Variants in NHS observed in about 807,000 individuals in gnomAD.
The protein encoded by NHS is actin remodeling regulator NHS.
A neutral mutation model predicts 72.5 loss-of-function variants in NHS; 5 were observed. The observed-to-expected ratio is 0.07, with a 90% CI of 0.04 to 0.14. The LOEUF (loss-of-function observed/expected upper bound fraction) is 0.14. Among genes scored for constraint, NHS ranks in the 10% least tolerant of loss-of-function variants. NHS has a pLI of 1.00. For missense variants in NHS, 1,072 were observed against 1,355.7 expected, an observed-to-expected ratio of 0.79 and a Z score of 3.29; for synonymous variants, 464 against 547.7, an observed-to-expected ratio of 0.85 and a Z score of 2.13.
intron 1 of NHS, among the ~76,000 whole-genome samples, chrX:17,555,676 C>T (rs1174588391): frequency 8.9e-6 from 1 of 112,117 alleles, no homozygotes. Context: ...TTAATTTCCA[C>T]TCTTCCAATC....
intron 1 of NHS, among the ~76,000 whole-genome samples, chrX:17,562,060 A>G (rs1213293177): frequency 1.8e-5 from 2 of 111,094 alleles, no homozygotes; most frequent in Non-Finnish European, 3.8e-5. Context: ...GAAAAACCCT[A>G]TGCTACTGTT....
intron 1 of NHS, among the ~76,000 whole-genome samples, chrX:17,553,477 C>A (rs2065347674): frequency 8.9e-6 from 1 of 112,836 alleles, no homozygotes; most frequent in Admixed American, 9.3e-5. Context: ...CTTCATGTTG[C>A]TTTCTTCCTT....
chrX:17,578,756 A>G (rs1410623492), intron 1 of NHS, among the ~76,000 whole-genome samples: 3 of 112,456 alleles, frequency 2.7e-5, no homozygotes, highest in Non-Finnish European at 5.6e-5. Flanking sequence ...ATATTTCATG[A>G]GCAGATTGTA....
At chrX:17,485,646 G>A (rs936025006) in intron 1 of NHS, among the ~76,000 whole-genome samples, 2 of 111,044 alleles carry the variant, frequency 1.8e-5, no homozygotes, top group African/African-American at 6.6e-5. Flanking sequence ...GGTGGTGGGG[G>A]TGGGGTTCCG....
intron 3 of NHS, among the ~76,000 whole-genome samples, chrX:17,696,970 T>C (rs1159335319): frequency 9.0e-6 from 1 of 111,476 alleles, no homozygotes; most frequent in Non-Finnish European, 1.9e-5. Context: ...AGAAATGAAC[T>C]AGCAGTGGGT....
At chrX:17,541,201 TGAG>T (rs376860684) in intron 1 of NHS, among the ~76,000 whole-genome samples, 12 of 112,616 alleles carry the variant, frequency 1.1e-4, no homozygotes, top group African/African-American at 3.9e-4. Context: ...ATTTCACAGA[TGAG>T]GAAACCAAGG....
intron 1 of NHS, among the ~76,000 whole-genome samples, chrX:17,611,731 G>T (rs753930913): frequency 6.3e-5 from 7 of 111,025 alleles, no homozygotes; most frequent in Admixed American, 9.6e-5. Flanking sequence ...ACTCAGAGAA[G>T]AGATGAGGGA....
At chrX:17,682,176 G>A (rs946371717) in intron 1 of NHS, among the ~76,000 whole-genome samples, 1 of 111,182 alleles carries the variant, frequency 9.0e-6, no homozygotes, top group Non-Finnish European at 1.9e-5. Flanking sequence ...GGGTTCACTT[G>A]GTGAAATCCC....
chrX:17,657,240 C>G (rs1035136123), intron 1 of NHS, among the ~76,000 whole-genome samples: 1 of 112,826 alleles, frequency 8.9e-6, no homozygotes, highest in African/African-American at 3.2e-5. Flanking sequence ...TTCCTCACCC[C>G]CCTGCGGGGA....
At chrX:17,481,146 G>A (rs1404736981) in intron 1 of NHS, among the ~76,000 whole-genome samples, 1 of 111,906 alleles carries the variant, frequency 8.9e-6, no homozygotes, top group Non-Finnish European at 1.9e-5. Context: ...CCGTCTTACT[G>A]CAGTGCAAAC....
At chrX:17,477,379 G>A (rs949880927) in intron 1 of NHS, among the ~76,000 whole-genome samples, 1 of 111,916 alleles carries the variant, frequency 8.9e-6, no homozygotes, top group Non-Finnish European at 1.9e-5. Flanking sequence ...GAATAGCAAG[G>A]AGCCCGGTGT....
chrX:17,389,722 C>T (rs1349390560), intron 1 of NHS, among the ~76,000 whole-genome samples: 1 of 110,124 alleles, frequency 9.1e-6, no homozygotes, highest in Non-Finnish European at 1.9e-5. Flanking sequence ...CTGTGTCAGC[C>T]TCCCAAGTAG....
chrX:17,647,670 T>G (rs2065912249), intron 1 of NHS, among the ~76,000 whole-genome samples: 1 of 112,562 alleles, frequency 8.9e-6, no homozygotes, highest in Admixed American at 9.4e-5. Flanking sequence ...ACTTTTTAAT[T>G]TCAGTGATGG....
At chrX:17,687,323 C>T (rs866896158) in intron 1 of NHS, 38 of 218,763 alleles carry the variant, frequency 1.7e-4, no homozygotes, top group Middle Eastern at 1.6e-3. Context: ...TGAGGCCCTG[C>T]GGCCAGAAGG....
chrX:17,583,758 T>C (rs2065557731), intron 1 of NHS, among the ~76,000 whole-genome samples: 1 of 112,608 alleles, frequency 8.9e-6, no homozygotes, highest in African/African-American at 3.2e-5. Flanking sequence ...TTTCCCTGTA[T>C]ACTTTCCTTT....
intron 1 of NHS, among the ~76,000 whole-genome samples, chrX:17,610,290 G>C (rs2065703586): frequency 8.9e-6 from 1 of 111,942 alleles, no homozygotes; most frequent in African/African-American, 3.2e-5. Flanking sequence ...CAAGGAAAAA[G>C]AACTAATATC....
rs184142684 is a variant in NHS, at chrX:17,539,428, G to C, written c.566-148314G>C. On this transcript the variant is annotated intron_variant, in intron 1 of 8. Transcript: ENST00000676302. ...TCTGCTTGGCCTTTCTTGAATATAA[G>C]CTTCATGGGGTCAGAGACCTGTGTC... is the stretch of plus-strand genomic sequence containing the variant. Among the ~76,000 whole-genome samples, 44 of 110,203 alleles carry C rather than the reference G, an allele frequency of 4.0e-4. No homozygotes were observed. The Middle Eastern group carries it at 0.014, about 35-fold the overall frequency.
intron 5 of NHS, 147 bp downstream of exon 5, chrX:17,721,780 A>T: frequency 2.0e-6 from 1 of 503,553 alleles, no homozygotes; most frequent in South Asian, 4.2e-5. Context: ...GATGTTCGAT[A>T]TGCTTTTGTC....
chrX:17,535,124 C>T (rs2065216990), intron 1 of NHS, among the ~76,000 whole-genome samples: 1 of 111,921 alleles, frequency 8.9e-6, no homozygotes, highest in African/African-American at 3.3e-5. Context: ...CCTTCCCTTC[C>T]CCGTCTCACT....
Sources: allele counts gnomAD v4.1 joint callset (sites outside exome capture counted in the v4.1 genomes callset), GRCh38; gene constraint gnomAD v4.1.1; transcripts MANE v1.5; gene names NCBI Gene and HGNC (gene_info 2026-07-23, HGNC 2026-07-21).